AGPAT3: variants seen among roughly 807,000 people sequenced by gnomAD.
AGPAT3 encodes 1-acyl-sn-glycerol-3-phosphate acyltransferase gamma.
Under a neutral mutation model 47.3 loss-of-function variants are expected in AGPAT3, and 5 were observed. The ratio of observed to expected loss-of-function variants is 0.11; its 90% CI spans 0.06 to 0.22. The LOEUF (loss-of-function observed/expected upper bound fraction) is 0.22. AGPAT3 is among the 10% of genes least tolerant of loss of function. AGPAT3 has a pLI of 1.00. For synonymous variants in AGPAT3, 212 were observed against 208.3 expected (o/e 1.02, Z -0.15); for missense variants, 315 against 493.0 (o/e 0.64, Z 3.42).
At position 43,961,562 on chromosome 21, in the gene AGPAT3, G is replaced by A. The variant is rs139563274; in HGVS notation, c.178+1703G>A. 1.6e-4 allele frequency among the ~76,000 whole-genome samples: 22 copies of A among 141,862 alleles called. 1 individual carries two copies. The highest frequency in any genetic ancestry group is 5.3e-4 in the African/African-American group (19 of 36,144). The allele number at this position is 141,862 out of a possible 152,430, so 93.1% of individuals were successfully genotyped here. A position where few individuals can be genotyped will look rare whatever the true frequency, so the allele number is the denominator to read the frequency against. On this transcript the variant is annotated intron_variant, in intron 3 of 9. Coordinates refer to ENST00000291572, the MANE Select transcript of AGPAT3 (RefSeq NM_020132.5). ...TACACTTTGTCTCATATGGAAAACAGTGAGCGCGTAGACACTTTGTCTCGT... is the reference window on the plus strand; with the variant it reads ...TACACTTTGTCTCATATGGAAAACAATGAGCGCGTAGACACTTTGTCTCGT...
At chr21:43,945,455 A>C (rs997583411) in intron 2 of AGPAT3, among the ~76,000 whole-genome samples, 5 of 152,184 alleles carry the variant, frequency 3.3e-5, no homozygotes, top group African/African-American at 1.2e-4. Context: ...TTTTACTTCA[A>C]AATGTTTGTG....
intron 7 of AGPAT3, 106 bp downstream of exon 7, chr21:43,971,596 C>T (rs568644166): frequency 2.0e-6 from 2 of 1,025,384 alleles, no homozygotes; most frequent in South Asian, 2.8e-5. Context: ...GTCCCACAGC[C>T]CCGCAGGGTG....
intron 2 of AGPAT3, among the ~76,000 whole-genome samples, chr21:43,936,865 C>T (rs763502300): frequency 3.9e-5 from 6 of 152,352 alleles, no homozygotes; most frequent in South Asian, 2.1e-4. Context: ...TGCAACTGCA[C>T]GGCCTGTTTC....
Position 43,970,876 on chromosome 21 carries a change from A to G in AGPAT3, c.664+70A>G. Reference sequence around the variant, plus strand: ...GAAAATAGTGATTTCTTTAAAAAAAAAAAAAATGAGTGCATTCCATGTGAA... The same window carrying G: ...GAAAATAGTGATTTCTTTAAAAAAAGAAAAAATGAGTGCATTCCATGTGAA... On this transcript the variant is annotated intron_variant, in intron 6 of 9. Coordinates refer to ENST00000291572, the MANE Select transcript of AGPAT3 (RefSeq NM_020132.5). The surrounding 1 kb of genome is among the most constrained non-coding windows in gnomAD (Gnocchi z 5.8). 2 of 1,419,206 alleles carry G rather than the reference A, an allele frequency of 1.4e-6. No homozygotes were observed. The highest frequency in any genetic ancestry group is 1.8e-6 in the Non-Finnish European group (2 of 1,086,362). 87.9% of individuals were successfully genotyped at this position (1,419,206 alleles called of 1,614,324 possible). A position where few individuals can be genotyped will look rare whatever the true frequency, so the allele number is the denominator to read the frequency against.
chr21:43,894,741 T>C (rs1008136925), intron 1 of AGPAT3, among the ~76,000 whole-genome samples: 22 of 152,224 alleles, frequency 1.4e-4, no homozygotes, highest in African/African-American at 4.8e-4. Context: ...CCTGATTTAT[T>C]CTTGAGGATA....
chr21:43,967,807 C>T (rs2089204030), intron 3 of AGPAT3, 139 bp from the exon 4 acceptor site: 3 of 780,384 alleles, frequency 3.8e-6, no homozygotes, highest in Non-Finnish European at 6.0e-6. Flanking sequence ...AAAACGTACT[C>T]AGTGTAAGTC....
intron 1 of AGPAT3, among the ~76,000 whole-genome samples, chr21:43,876,198 A>C (rs889684200): frequency 6.6e-6 from 1 of 151,786 alleles, no homozygotes; most frequent in African/African-American, 2.4e-5. Flanking sequence ...CCTTACACTT[A>C]TTTTTATTTT....
At chr21:43,900,433 G>A (rs1015176546) in intron 1 of AGPAT3, among the ~76,000 whole-genome samples, 1 of 152,224 alleles carries the variant, frequency 6.6e-6, no homozygotes, top group Non-Finnish European at 1.5e-5. Context: ...GGGCATGAGG[G>A]AAGTGAGGCC....
chr21:43,961,509 T>C (rs572604641), intron 3 of AGPAT3, among the ~76,000 whole-genome samples: 13 of 121,366 alleles, frequency 1.1e-4, no homozygotes, highest in African/African-American at 4.0e-4. Flanking sequence ...CGTAGACACT[T>C]TGTCTCGTGG....
chr21:43,921,711 G>C (rs2086896412), intron 2 of AGPAT3, among the ~76,000 whole-genome samples: 1 of 152,214 alleles, frequency 6.6e-6, no homozygotes, highest in Non-Finnish European at 1.5e-5. Flanking sequence ...TCACTTCGCT[G>C]GGTCCGCAAT....
At chr21:43,892,207 C>T (rs981814276) in intron 1 of AGPAT3, among the ~76,000 whole-genome samples, 8 of 151,352 alleles carry the variant, frequency 5.3e-5, no homozygotes, top group African/African-American at 4.9e-5. Flanking sequence ...CTCAGGAGGC[C>T]GAGACAGGAG....
In AGPAT3 at chr21:43,969,006, G is replaced by A. The variant is rs140503278; in HGVS notation, c.349-112G>A. 937 of 1,176,850 alleles carry A rather than the reference G, an allele frequency of 8.0e-4. 3 individuals carry two copies. The highest frequency in any genetic ancestry group is 1.0e-3 in the Non-Finnish European group (879 of 842,268). 72.9% of individuals were successfully genotyped at this position (1,176,850 alleles called of 1,614,324 possible). A position where few individuals can be genotyped will look rare whatever the true frequency, so the allele number is the denominator to read the frequency against. Reference sequence around the variant, plus strand: ...AGCAGACCCCCTGAGCCACAAAGCCGTGACTCCTAGAGCGACACCACACAG... The same window carrying A: ...AGCAGACCCCCTGAGCCACAAAGCCATGACTCCTAGAGCGACACCACACAG... On this transcript the variant is annotated intron_variant, in intron 4 of 9. Coordinates refer to ENST00000291572, the MANE Select transcript of AGPAT3 (RefSeq NM_020132.5).
At position 43,969,220 on chromosome 21, in the gene AGPAT3, G is replaced by A; in HGVS notation, c.451G>A (p.Asp151Asn). The change falls in exon 5 of 10, where the codon GAC becomes AAC. Residue 151 changes from aspartate to asparagine, a missense_variant. Physicochemically the swap from Asp to Asn is conservative, Grantham distance 23. Transcript: ENST00000291572. ...IVFCKRKWEE[D>N]RDTVVEGLRR... ...GTTCTGCAAGCGGAAGTGGGAGGAG[G>A]ACCGGGACACCGTGGTCGAAGGGCT... 1 of 1,614,224 alleles carries A rather than the reference G, an allele frequency of 6.2e-7. No homozygotes were observed. Among genetic ancestry groups the A allele is most frequent in the Non-Finnish European group, 8.5e-7 (1 of 1,180,020 alleles).
At chr21:43,959,517 C>A (rs932052398) in intron 2 of AGPAT3, 117 bp from the exon 3 acceptor site, 2 of 875,436 alleles carry the variant, frequency 2.3e-6, no homozygotes, top group East Asian at 2.6e-5. Flanking sequence ...GTGTGCTGTG[C>A]AGCATGTGTG....
rs1191264427 is a variant in AGPAT3 at position 43,958,341 on chromosome 21, GGT to G, written c.-48-1287_-48-1286del. Reference sequence around the variant, plus strand: ...GGTGGGGGGATGTGTTGCAGTGTGTGGTGTGTGGTACAATTGTGTGTGTGTGG... The same window carrying G: ...GGTGGGGGGATGTGTTGCAGTGTGTGGTGTGGTACAATTGTGTGTGTGTGG... On this transcript the variant is annotated intron_variant, in intron 2 of 9. Coordinates refer to ENST00000291572, the MANE Select transcript of AGPAT3 (RefSeq NM_020132.5). Among the ~76,000 whole-genome samples the G allele has an allele frequency of 9.9e-5, 15 of 152,186 alleles. No individual in the cohort carries two copies. In the East Asian group the frequency reaches 2.5e-3, roughly 25 times the overall value.
intron 2 of AGPAT3, among the ~76,000 whole-genome samples, chr21:43,915,773 T>A (rs1426185316): frequency 1.3e-5 from 2 of 152,160 alleles, no homozygotes; most frequent in East Asian, 1.9e-4. Context: ...TTAAAAAAAA[T>A]TTCAATTTAG....
chr21:43,884,107 T>C (rs965768385), intron 1 of AGPAT3, among the ~76,000 whole-genome samples: 2 of 152,170 alleles, frequency 1.3e-5, no homozygotes, highest in African/African-American at 2.4e-5. Flanking sequence ...GTTACCTCTG[T>C]CACCAGAGAT....
chr21:43,942,227 C>T (rs545619449), intron 2 of AGPAT3, among the ~76,000 whole-genome samples: 26 of 152,102 alleles, frequency 1.7e-4, no homozygotes, highest in South Asian at 8.3e-4. Context: ...GCCACAGAGG[C>T]GGCTTGGTTT....
chr21:43,888,858 A>C (rs964878602), intron 1 of AGPAT3, among the ~76,000 whole-genome samples: 1 of 152,132 alleles, frequency 6.6e-6, no homozygotes, highest in Non-Finnish European at 1.5e-5. Flanking sequence ...GCATGGTGGC[A>C]TGCGCCTGTA....
Sources: allele counts gnomAD v4.1 joint callset (sites outside exome capture counted in the v4.1 genomes callset), GRCh38; gene constraint gnomAD v4.1.1; non-coding constraint Gnocchi (gnomAD v3.1); transcripts MANE v1.5; gene names NCBI Gene and HGNC (gene_info 2026-07-23, HGNC 2026-07-21).